Variants in IFT46 observed in about 807,000 individuals in gnomAD.
IFT46 encodes the protein intraflagellar transport protein 46 homolog.
IFT46 carries 19 observed loss-of-function variants against 39.6 expected under a neutral mutation model. That is an observed-to-expected ratio of 0.48 (90% CI 0.33 to 0.70). The LOEUF (loss-of-function observed/expected upper bound fraction) is 0.70, where lower values mean the gene tolerates loss of function less well. IFT46 is among the 30% of genes least tolerant of loss of function. The probability of loss-of-function intolerance (pLI) is 0.01; values close to 1 mark genes in which losing one functional copy is unlikely to be tolerated. For missense variants in IFT46, 334 were observed against 364.8 expected, an observed-to-expected ratio of 0.92 and a Z score of 0.69; for synonymous variants, 117 against 134.8, an observed-to-expected ratio of 0.87 and a Z score of 0.91.
intron 3 of IFT46, chr11:118,557,469 T>G (rs1440204943): frequency 2.1e-6 from 1 of 467,722 alleles, no homozygotes; most frequent in Non-Finnish European, 3.8e-6. Context: ...ACAAAGACCA[T>G]AGAGAGGAAA....
At chr11:118,562,712 T>C (rs1256941973) in intron 2 of IFT46, among the ~76,000 whole-genome samples, 1 of 152,208 alleles carries the variant, frequency 6.6e-6, no homozygotes, top group Non-Finnish European at 1.5e-5. Flanking sequence ...AGCAGTGTTA[T>C]TCACAATAGC....
upstream of IFT46, chr11:118,565,997 G>C (rs1223551071): frequency 6.6e-6 from 1 of 152,148 alleles, no homozygotes; most frequent in East Asian, 1.9e-4. Context: ...AGCCTCACCC[G>C]CGAAGGCTCT....
At chr11:118,563,879 C>T (rs1281885527) in intron 2 of IFT46, among the ~76,000 whole-genome samples, 1 of 152,058 alleles carries the variant, frequency 6.6e-6, no homozygotes, top group Non-Finnish European at 1.5e-5. Flanking sequence ...CATGTCACCC[C>T]TTTAGGTCTT....
upstream of IFT46, chr11:118,566,093 G>C (rs536889679): frequency 6.6e-6 from 1 of 151,616 alleles, no homozygotes; most frequent in African/African-American, 2.4e-5. Context: ...CAGTAAATAC[G>C]TCTGTTGCGG....
chr11:118,567,479 G>T (rs1487350686), upstream of IFT46, among the ~76,000 whole-genome samples: 5 of 152,122 alleles, frequency 3.3e-5, no homozygotes, highest in Non-Finnish European at 5.9e-5. Flanking sequence ...AGGAGGCTGC[G>T]GCAGGAGAAT....
upstream of IFT46, among the ~76,000 whole-genome samples, chr11:118,568,220 C>T (rs1938269055): frequency 4.6e-5 from 7 of 152,134 alleles, no homozygotes; most frequent in Admixed American, 4.6e-4. Flanking sequence ...AGAATTTGTT[C>T]CATGTTTCTT....
intron 2 of IFT46, among the ~76,000 whole-genome samples, chr11:118,564,188 CAAAAAAAAAAA>C (rs34442295): frequency 1.8e-5 from 1 of 55,104 alleles, no homozygotes; most frequent in African/African-American, 7.2e-5. Context: ...GACTCTGTCT[CAAAAAAAAAAA>C]AAAAAAAAAA....
In IFT46 at chr11:118,554,683, A is replaced by G. The variant is rs996557798; in HGVS notation, c.355-96T>C. The G allele has an allele frequency of 6.8e-5, 91 of 1,330,142 alleles. 1 individual carries two copies. The highest frequency in any genetic ancestry group is 4.6e-5 in the Non-Finnish European group (44 of 966,688). The allele number at this position is 1,330,142 out of a possible 1,614,324, so 82.4% of individuals were successfully genotyped here. ...GTTCATCATTATTACTAGTATTAAA[A>G]GCATGCTTATCATGCTGTACGCAAT... On this transcript the variant is annotated intron_variant, in intron 6 of 11. Transcript: ENST00000264021.
chr11:118,552,344 G>A lies in IFT46; in HGVS notation c.484-9C>T, dbSNP rs1162733785. ...TTTACTTTCATATGTTGCTAGGAAA[G>A]TAAGGAGAAAGCCTAGCTGATGGCA... On this transcript the variant is annotated splice_polypyrimidine_tract_variant and intron_variant, in intron 7 of 11. Transcript: ENST00000264021. 6.2e-7 allele frequency: 1 copy of A among 1,613,834 alleles called. No individual in the cohort carries two copies. The highest frequency in any genetic ancestry group is 8.5e-7 in the Non-Finnish European group (1 of 1,179,952).
In IFT46 at chr11:118,554,981, T is replaced by G. The variant is rs566106571; in HGVS notation, c.354+9A>C. The G allele has an allele frequency of 6.3e-7, 1 of 1,587,152 alleles. No homozygotes were observed. Among genetic ancestry groups the G allele is most frequent in the Non-Finnish European group, 8.7e-7 (1 of 1,155,340 alleles). On this transcript the variant is annotated intron_variant, in intron 6 of 11. Transcript: ENST00000264021. Reference sequence around the variant, plus strand: ...TTAAGGAGTCATTTTCAGGATGTACTGACTATACCTTTAAGAATGCATCAA... The same window carrying G: ...TTAAGGAGTCATTTTCAGGATGTACGGACTATACCTTTAAGAATGCATCAA...
chr11:118,545,596 T>C, intron 10 of IFT46, 102 bp from the exon 11 acceptor site: 1 of 1,149,576 alleles, frequency 8.7e-7, no homozygotes, highest in African/African-American at 1.5e-5. Context: ...GGGGTGTCGC[T>C]ATGACTTTGG....
rs1057476525 is a variant in IFT46 at position 118,572,942 on chromosome 11, C to G, written c.-479G>C. 5.3e-5 allele frequency: 13 copies of G among 243,210 alleles called. No individual in the cohort carries two copies. The East Asian group carries it at 1.1e-3, about 20-fold the overall frequency. 15.1% of individuals were successfully genotyped at this position (243,210 alleles called of 1,614,324 possible). A position where few individuals can be genotyped will look rare whatever the true frequency, so the allele number is the denominator to read the frequency against. ...CTTAGGCTCAGCAGGCTGGGCCTGT[C>G]TCCGGAGGTTCTGGTCCTTCTGTTA... is the stretch of plus-strand genomic sequence containing the variant. On this transcript the variant is annotated 5_prime_UTR_variant, in exon 1 of 6. Coordinates refer to the IFT46 transcript ENST00000528378.
chr11:118,571,795 A>G (rs990381024), intron 1 of IFT46, among the ~76,000 whole-genome samples: 1 of 152,336 alleles, frequency 6.6e-6, no homozygotes, highest in East Asian at 1.9e-4. Flanking sequence ...TTGCTGAGTT[A>G]TAAGAGTTCT....
Position 118,552,216 on chromosome 11 carries a change from G to A in IFT46, c.603C>T (p.Thr201=), listed in dbSNP as rs781976546. ...GCAAAGAATGTGGTATTTCTTACCT[G>A]GTGTAGTGCACAGTCGCAGGGGGCT... The part of the protein sequence containing the change: ...RSKPPATVHY[T]RPMPDIDTLM... The change falls in exon 8 of 12, where the codon ACC becomes ACT. Residue 201 remains threonine (T), a splice_region_variant and synonymous_variant. Transcript: ENST00000264021. 2.5e-6 allele frequency: 4 copies of A among 1,613,900 alleles called. No homozygotes were observed. Among genetic ancestry groups the A allele is most frequent in the East Asian group, 2.2e-5 (1 of 44,896 alleles).
intron 1 of IFT46, among the ~76,000 whole-genome samples, chr11:118,571,635 A>G (rs1938337318): frequency 6.6e-6 from 1 of 152,162 alleles, no homozygotes; most frequent in Non-Finnish European, 1.5e-5. Context: ...GATATTCAAC[A>G]TTTCTTAATG....
chr11:118,572,759 C>T (rs1938378077), exon 1 of IFT46: 1 of 511,592 alleles, frequency 2.0e-6, no homozygotes, highest in Non-Finnish European at 3.5e-6. Flanking sequence ...TCGTCGTGCC[C>T]GCTTCCGCAC....
chr11:118,562,451 A>T (rs1019844191), intron 2 of IFT46, among the ~76,000 whole-genome samples: 20 of 152,186 alleles, frequency 1.3e-4, no homozygotes, highest in African/African-American at 4.8e-4. Context: ...ATAAATAAAA[A>T]ATTAAATTAA....
intron 2 of IFT46, among the ~76,000 whole-genome samples, chr11:118,563,817 T>C (rs555939295): frequency 2.0e-5 from 3 of 152,282 alleles, no homozygotes; most frequent in South Asian, 2.1e-4. Context: ...CTGTTTCCTC[T>C]TCCTGGTCTA....
intron 1 of IFT46, chr11:118,572,504 C>T: frequency 2.5e-6 from 4 of 1,610,188 alleles, no homozygotes; most frequent in Non-Finnish European, 3.4e-6. Flanking sequence ...ACCCCTATCC[C>T]CAGTGGAGCC....
Sources: allele counts gnomAD v4.1 joint callset (sites outside exome capture counted in the v4.1 genomes callset), GRCh38; gene constraint gnomAD v4.1.1; transcripts MANE v1.5; gene names NCBI Gene and HGNC (gene_info 2026-07-23, HGNC 2026-07-21).